The following PTPRD variants were observed in gnomAD, a reference collection of about 807,000 sequenced individuals.
The protein encoded by PTPRD is receptor-type tyrosine-protein phosphatase delta.
In PTPRD, 34 loss-of-function variants were observed where a neutral mutation model predicts 214.5. The observed-to-expected ratio is 0.16, with a 90% CI of 0.12 to 0.21. The LOEUF is 0.21. Among genes scored for constraint, PTPRD ranks in the 10% least tolerant of loss-of-function variants. The pLI is 1.00. For synonymous variants in PTPRD, 1,128 were observed against 845.7 expected (o/e 1.33, Z -5.79); for missense variants, 2,545 against 2,398.7 (o/e 1.06, Z -1.27).
chr9:10,126,968 G>C (rs907404248), intron 3 of PTPRD, among the ~76,000 whole-genome samples: 1 of 129,280 alleles, frequency 7.7e-6, no homozygotes, highest in African/African-American at 3.6e-5. Context: ...TTTTTTGGCA[G>C]AAACACTGCA....
In PTPRD at chr9:8,704,542, G is replaced by A. The variant is rs191008964; in HGVS notation, c.64+29238C>T. Among the ~76,000 whole-genome samples, 111 of 152,264 alleles carry A rather than the reference G, an allele frequency of 7.3e-4. 1 individual carries two copies. The highest frequency in any genetic ancestry group is 1.2e-3 in the Non-Finnish European group (82 of 68,018). The stretch of plus-strand genomic sequence containing the variant: ...AAATGGACTTAATGTCTCCCTTACA[G>A]GGGATGCATTAAAGGTTAAGTGAGG... On this transcript the variant is annotated intron_variant, in intron 12 of 45. Coordinates refer to ENST00000381196, the MANE Select transcript of PTPRD (RefSeq NM_002839.4).
intron 6 of PTPRD, among the ~76,000 whole-genome samples, chr9:9,745,134 CCAG>C (rs1364746670): frequency 2.0e-5 from 3 of 151,824 alleles, no homozygotes; most frequent in Non-Finnish European, 4.4e-5. Context: ...AAATAGTTAA[CCAG>C]AAGAAAAAAC....
chr9:8,804,435 A>C (rs2096633604), intron 11 of PTPRD, among the ~76,000 whole-genome samples: 3 of 119,460 alleles, frequency 2.5e-5, no homozygotes, highest in African/African-American at 8.8e-5. Context: ...CCGTCTCTAC[A>C]AAAAAAAATA....
At chr9:9,963,891 T>G (rs2094512805) in intron 4 of PTPRD, among the ~76,000 whole-genome samples, 1 of 152,198 alleles carries the variant, frequency 6.6e-6, no homozygotes. Context: ...TAAGTCCAAG[T>G]GAAGTTCTTA....
At chr9:9,729,421 C>T (rs1180699183) in intron 7 of PTPRD, among the ~76,000 whole-genome samples, 3 of 151,948 alleles carry the variant, frequency 2.0e-5, no homozygotes, top group Non-Finnish European at 4.4e-5. Flanking sequence ...TTCCATTTTC[C>T]CTTGGCCAAA....
intron 35 of PTPRD, among the ~76,000 whole-genome samples, chr9:8,430,523 C>T (rs760699499): frequency 5.9e-5 from 9 of 151,844 alleles, no homozygotes; most frequent in African/African-American, 1.9e-4. Flanking sequence ...GCGATCTGCC[C>T]GCAGCGTCCT....
intron 7 of PTPRD, among the ~76,000 whole-genome samples, chr9:9,622,694 T>C (rs139654197): frequency 6.6e-6 from 1 of 152,340 alleles, no homozygotes; most frequent in African/African-American, 2.4e-5. Context: ...AATATATTTA[T>C]AATGTTAAAA....
intron 10 of PTPRD, among the ~76,000 whole-genome samples, chr9:9,101,912 A>G (rs1290173211): frequency 1.3e-5 from 2 of 152,112 alleles, no homozygotes; most frequent in African/African-American, 4.8e-5. Context: ...GACTATCCTG[A>G]GTTATTGATG....
chr9:9,040,416 G>A (rs148487248), intron 10 of PTPRD, among the ~76,000 whole-genome samples: 45 of 152,264 alleles, frequency 3.0e-4, no homozygotes, highest in African/African-American at 9.1e-4. Flanking sequence ...AATTAAGTTA[G>A]AAAATCCTAG....
At chr9:8,525,487 G>A (rs970495742) in intron 17 of PTPRD, among the ~76,000 whole-genome samples, 18 of 151,968 alleles carry the variant, frequency 1.2e-4, no homozygotes, top group Admixed American at 2.6e-4. Context: ...GCTGAAGAGA[G>A]CCAAAAATAC....
At chr9:9,606,654 AAAGGACAGACCCT>A (rs1393755894) in intron 7 of PTPRD, among the ~76,000 whole-genome samples, 1 of 151,934 alleles carries the variant, frequency 6.6e-6, no homozygotes, top group Non-Finnish European at 1.5e-5. Context: ...TAGCCTGTAG[AAAGGACAGACCCT>A]TTATTATGTA....
chr9:9,545,534 C>T (rs2078589249), intron 8 of PTPRD, among the ~76,000 whole-genome samples: 1 of 151,906 alleles, frequency 6.6e-6, no homozygotes, highest in Non-Finnish European at 1.5e-5. Context: ...TAATTTCTTT[C>T]AAATGTGAAC....
intron 2 of PTPRD, among the ~76,000 whole-genome samples, chr9:10,478,207 G>T (rs1206254566): frequency 2.0e-5 from 3 of 151,974 alleles, no homozygotes; most frequent in Non-Finnish European, 4.4e-5. Context: ...AACTAGAAAA[G>T]TATAGTCATT....
intron 14 of PTPRD, among the ~76,000 whole-genome samples, chr9:8,623,645 C>G (rs1179470117): frequency 3.3e-5 from 5 of 152,000 alleles, no homozygotes; most frequent in African/African-American, 9.6e-5. Flanking sequence ...GTGCCTAGAA[C>G]TTTGCTAACA....
intron 35 of PTPRD, among the ~76,000 whole-genome samples, chr9:8,415,083 T>C (rs1163634293): frequency 6.6e-6 from 1 of 152,072 alleles, no homozygotes; most frequent in Non-Finnish European, 1.5e-5. Context: ...GCAATACCTA[T>C]CTCCAATTAT....
intron 9 of PTPRD, among the ~76,000 whole-genome samples, chr9:9,237,001 C>T (rs1191917358): frequency 6.6e-6 from 1 of 152,150 alleles, no homozygotes; most frequent in East Asian, 1.9e-4. Flanking sequence ...TCTGGAATTA[C>T]TTGTCAGATA....
chr9:9,478,155 A>T (rs917403602), intron 8 of PTPRD, among the ~76,000 whole-genome samples: 1 of 152,198 alleles, frequency 6.6e-6, no homozygotes, highest in Non-Finnish European at 1.5e-5. Flanking sequence ...TTTAGCAATA[A>T]GTAAACTGCC....
At chr9:9,904,171 T>C (rs542974893) in intron 5 of PTPRD, among the ~76,000 whole-genome samples, 1 of 152,228 alleles carries the variant, frequency 6.6e-6, no homozygotes, top group South Asian at 2.1e-4. Flanking sequence ...ACAGTGTGTC[T>C]GGGTCTAAAG....
chr9:9,238,883 T>C (rs950054008), intron 9 of PTPRD, among the ~76,000 whole-genome samples: 2 of 152,184 alleles, frequency 1.3e-5, no homozygotes, highest in African/African-American at 4.8e-5. Context: ...TTATTTTGAA[T>C]AAGCTTCTTA....
Sources: allele counts gnomAD v4.1 joint callset (sites outside exome capture counted in the v4.1 genomes callset), GRCh38; gene constraint gnomAD v4.1.1; transcripts MANE v1.5; gene names NCBI Gene and HGNC (gene_info 2026-07-23, HGNC 2026-07-21).